FGF3: variants seen among roughly 807,000 people sequenced by gnomAD.
FGF3 encodes the protein fibroblast growth factor 3.
FGF3 carries 7 observed loss-of-function variants against 9.8 expected under a neutral mutation model. The observed-to-expected ratio is 0.72, with a 90% CI of 0.41 to 1.35. The LOEUF is 1.35. Among genes scored for constraint, FGF3 ranks in the 40% most tolerant of loss-of-function variants. The probability of loss-of-function intolerance (pLI) is 0.01; values close to 1 mark genes in which losing one functional copy is unlikely to be tolerated. For missense variants in FGF3, 390 were observed against 345.6 expected (o/e 1.13, Z -1.02); for synonymous variants, 173 against 157.2 (o/e 1.10, Z -0.75).
At chr11:69,816,928 A>G (rs1856142709) in intron 1 of FGF3, among the ~76,000 whole-genome samples, 1 of 152,214 alleles carries the variant, frequency 6.6e-6, no homozygotes, top group Admixed American at 6.5e-5. Flanking sequence ...AATATAAACC[A>G]CTGGCAATAA....
chr11:69,813,596 G>GTGGA (rs1362257921), intron 2 of FGF3, among the ~76,000 whole-genome samples: 9 of 67,228 alleles, frequency 1.3e-4, no homozygotes, highest in Non-Finnish European at 2.6e-4. Context: ...AGATGGGTGG[G>GTGGA]TGGATGGATG....
In FGF3 at chr11:69,810,579, G is replaced by C. The variant is rs1856009986; in HGVS notation, c.446C>G (p.Ala149Gly). The part of the protein sequence containing the change: ...STPGARRQPS[A>G]ERLWYVSVNG... Reference sequence around the variant, plus strand: ...CACAGACACGTACCACAGTCTCTCGGCGCTGGGCTGCCGGCGGGCCCCAGG... The same window carrying C: ...CACAGACACGTACCACAGTCTCTCGCCGCTGGGCTGCCGGCGGGCCCCAGG... The change falls in exon 3 of 3, where the codon GCC (alanine) becomes GGC (glycine). Residue 149 changes from alanine to glycine, a missense_variant. Coordinates refer to ENST00000334134, the MANE Select transcript of FGF3 (RefSeq NM_005247.4). 6.2e-7 allele frequency: 1 copy of C among 1,611,694 alleles called. No homozygotes were observed. The highest frequency in any genetic ancestry group is 1.3e-5 in the African/African-American group (1 of 74,928).
In FGF3 at chr11:69,818,755, G is replaced by A. The variant is rs1049232873; in HGVS notation, c.179C>T (p.Pro60Leu). ...CATKYHLQLH[P>L]SGRVNGSLEN... The stretch of plus-strand genomic sequence containing the variant: ...CAGGCTGCCGTTGACGCGGCCGCTC[G>A]GGTGCAGCTGGAGGTGGTACTTCGT... The change falls in exon 1 of 3, where the codon CCG (proline) becomes CTG (leucine). Residue 60 changes from proline (P) to leucine (L), a missense_variant. By Grantham distance (98) the Pro-to-Leu change is moderately conservative. Coordinates refer to ENST00000334134, the MANE Select transcript of FGF3 (RefSeq NM_005247.4). 24 of 1,495,026 alleles carry A rather than the reference G, an allele frequency of 1.6e-5. No homozygotes were observed. Among genetic ancestry groups the A allele is most frequent in the Non-Finnish European group, 2.0e-5 (23 of 1,128,830 alleles). The allele number at this position is 1,495,026 out of a possible 1,614,324, so 92.6% of individuals were successfully genotyped here. A position where few individuals can be genotyped will look rare whatever the true frequency, so the allele number is the denominator to read the frequency against.
At chr11:69,813,356 TG>T (rs1191987008) in intron 2 of FGF3, among the ~76,000 whole-genome samples, 2 of 152,182 alleles carry the variant, frequency 1.3e-5, no homozygotes, top group African/African-American at 2.4e-5. Context: ...AGATGGCACC[TG>T]GGCTGCTGCT....
intron 1 of FGF3, 21 bp downstream of exon 1, chr11:69,818,693 C>G: frequency 6.9e-7 from 1 of 1,458,578 alleles, no homozygotes; most frequent in Non-Finnish European, 9.0e-7. Context: ...CCCCCGGGGC[C>G]CCGCAGCGTC....
chr11:69,813,299 G>A (rs994166903), intron 2 of FGF3, among the ~76,000 whole-genome samples: 13 of 152,304 alleles, frequency 8.5e-5, no homozygotes, highest in South Asian at 4.1e-4. Flanking sequence ...GGGGGCTTCC[G>A]GAAGCCGGAG....
chr11:69,813,804 A>ATGGT (rs1565115012), intron 2 of FGF3, among the ~76,000 whole-genome samples: 2 of 54,782 alleles, frequency 3.7e-5, no homozygotes, highest in Admixed American at 1.8e-4. Flanking sequence ...GGATGGATGG[A>ATGGT]TGGGTGGATG....
rs1856200965 is a variant in FGF3, at chr11:69,819,296, C to T, written c.-363G>A. On this transcript the variant is annotated 5_prime_UTR_variant, in exon 1 of 3. Transcript: ENST00000334134. ...GGCGGGAGGCCGGCGGGTGGGGAGCCCCGCGGGGCTCGGGGTTCGGGCCGG... is the reference window on the plus strand; with the variant it reads ...GGCGGGAGGCCGGCGGGTGGGGAGCTCCGCGGGGCTCGGGGTTCGGGCCGG... Among the ~76,000 whole-genome samples, 1 of 151,162 alleles carries T rather than the reference C, an allele frequency of 6.6e-6. No individual in the cohort carries two copies.
intron 2 of FGF3, among the ~76,000 whole-genome samples, chr11:69,812,125 G>A (rs1856039500): frequency 6.6e-6 from 1 of 152,172 alleles, no homozygotes; most frequent in Non-Finnish European, 1.5e-5. Flanking sequence ...GTGGGAGGTG[G>A]AAGCAGCAGG....
Position 69,810,520 on chromosome 11 carries a change from T to G in FGF3, c.505A>C (p.Thr169Pro), listed in dbSNP as rs782653936. 48 of 1,602,156 alleles carry G rather than the reference T, an allele frequency of 3.0e-5. No individual in the cohort carries two copies. The highest frequency in any genetic ancestry group is 1.2e-4 in the Admixed American group (7 of 58,002). Residue 169 changes from threonine (T) to proline (P), a missense_variant, in exon 3 of 3, where the codon ACC becomes CCC. Transcript: ENST00000334134. ...AGGGAGGACTTCTGTGTGCGGCGGG[T>G]CTTGAAGCCCCTGCGGGGCCGGCCC... ...GKGRPRRGFKTRRTQKSSLFL... is the reference protein window; with the variant it reads ...GKGRPRRGFKPRRTQKSSLFL...
chr11:69,816,444 C>A, intron 1 of FGF3, 21 bp from the exon 2 acceptor site: 1 of 1,583,310 alleles, frequency 6.3e-7, no homozygotes, highest in African/African-American at 1.3e-5. Flanking sequence ...TGAGAGGTGC[C>A]TCACTCCCGC....
intron 2 of FGF3, among the ~76,000 whole-genome samples, chr11:69,815,381 G>A (rs1342324317): frequency 2.6e-5 from 4 of 152,108 alleles, no homozygotes; most frequent in African/African-American, 9.7e-5. Flanking sequence ...TGGGAGGAAG[G>A]AGGGAGTAGC....
At chr11:69,811,937 G>A (rs1554980501) in intron 2 of FGF3, among the ~76,000 whole-genome samples, 1 of 152,346 alleles carries the variant, frequency 6.6e-6, no homozygotes, top group Non-Finnish European at 1.5e-5. Context: ...GGCCGTGGGA[G>A]TTTCCCTCAA....
At chr11:69,814,694 G>A (rs1409558221) in intron 2 of FGF3, among the ~76,000 whole-genome samples, 1 of 152,168 alleles carries the variant, frequency 6.6e-6, no homozygotes, top group Middle Eastern at 3.2e-3. Flanking sequence ...ATGCCTCCCA[G>A]GTTGTCTGCA....
Position 69,810,713 on chromosome 11 carries a change from G to C in FGF3, c.325-13C>G. ...CGCTGTAGTGCTCCTGCGGGGATGA[G>C]ATATCATGGTCAGTGCCCCGGGGAG... is the stretch of plus-strand genomic sequence containing the variant. On this transcript the variant is annotated splice_polypyrimidine_tract_variant and intron_variant, in intron 2 of 2. Coordinates refer to ENST00000334134, the MANE Select transcript of FGF3 (RefSeq NM_005247.4). 3 of 1,567,312 alleles carry C rather than the reference G, an allele frequency of 1.9e-6. No homozygotes were observed. Among genetic ancestry groups the C allele is most frequent in the Non-Finnish European group, 2.6e-6 (3 of 1,153,240 alleles).
chr11:69,819,016 G>A lies in FGF3; in HGVS notation c.-83C>T. 1 of 898,992 alleles carries A rather than the reference G, an allele frequency of 1.1e-6. No individual in the cohort carries two copies. Among genetic ancestry groups the A allele is most frequent in the Non-Finnish European group, 1.6e-6 (1 of 636,638 alleles). The allele number at this position is 898,992 out of a possible 1,614,324, so 55.7% of individuals were successfully genotyped here. On this transcript the variant is annotated 5_prime_UTR_variant, in exon 1 of 3. Coordinates refer to ENST00000334134, the MANE Select transcript of FGF3 (RefSeq NM_005247.4). ...GAAGGGGCGGCAGCCGGACAGCTGCGAGGTGCTCGGAGCGGGATCCCGCGC... is the reference window on the plus strand; with the variant it reads ...GAAGGGGCGGCAGCCGGACAGCTGCAAGGTGCTCGGAGCGGGATCCCGCGC...
intron 2 of FGF3, among the ~76,000 whole-genome samples, chr11:69,814,445 A>T (rs1248713551): frequency 6.6e-6 from 1 of 151,882 alleles, no homozygotes; most frequent in Non-Finnish European, 1.5e-5. Context: ...TGTCTGAGTC[A>T]GCAGGATGTT....
rs782249406 is a variant in FGF3 at position 69,816,475 on chromosome 11, C to T, written c.221-52G>A. 7.6e-6 allele frequency: 11 copies of T among 1,454,012 alleles called. No individual in the cohort carries two copies. In the East Asian group the frequency reaches 2.0e-4, roughly 27 times the overall value. 90.1% of individuals were successfully genotyped at this position (1,454,012 alleles called of 1,614,324 possible). ...CCCGCCGCCCCCACGGAGGGGGCGGCTGAGGCCCAGCTGGCCCTGCCCAAA... is the reference window on the plus strand; with the variant it reads ...CCCGCCGCCCCCACGGAGGGGGCGGTTGAGGCCCAGCTGGCCCTGCCCAAA... On this transcript the variant is annotated intron_variant, in intron 1 of 2. Transcript: ENST00000334134.
chr11:69,812,410 G>C (rs1554980543), intron 2 of FGF3, among the ~76,000 whole-genome samples: 1 of 152,080 alleles, frequency 6.6e-6, no homozygotes, highest in East Asian at 1.9e-4. Context: ...GGTAGGGGCT[G>C]CCTCTCCCCA....
Sources: allele counts gnomAD v4.1 joint callset (sites outside exome capture counted in the v4.1 genomes callset), GRCh38; gene constraint gnomAD v4.1.1; transcripts MANE v1.5; gene names NCBI Gene and HGNC (gene_info 2026-07-23, HGNC 2026-07-21).